The following SNX25 variants were observed in gnomAD, a reference collection of about 807,000 sequenced individuals.
The protein encoded by SNX25 is sorting nexin 25.
Under a neutral mutation model 113.7 loss-of-function variants are expected in SNX25, and 62 were observed. The ratio of observed to expected loss-of-function variants is 0.55; its 90% CI spans 0.44 to 0.67. The LOEUF is 0.67. Ranked by LOEUF, SNX25 falls within the 30% of genes least tolerant of loss-of-function variation. SNX25 has a pLI of 0.00. For synonymous variants in SNX25, 421 were observed against 436.2 expected, an observed-to-expected ratio of 0.97 and a Z score of 0.43; for missense variants, 1,014 against 1,161.0, an observed-to-expected ratio of 0.87 and a Z score of 1.84.
At chr4:185,360,326 A>C (rs1448176050) in intron 16 of SNX25, among the ~76,000 whole-genome samples, 2 of 152,236 alleles carry the variant, frequency 1.3e-5, no homozygotes, top group African/African-American at 4.8e-5. Context: ...GATGGAGATA[A>C]CAGTGTAGTT....
chr4:185,365,003 AGTGTGTGTGTGTGTATGTGTGTGT>A (rs1198307522), downstream of SNX25: 1 of 140,126 alleles, frequency 7.1e-6, no homozygotes, highest in Admixed American at 7.0e-5. Flanking sequence ...TTAGAGAAGG[AGTGTGTGTGTGTGTATGTGTGTGT>A]GTGTGTGTGT....
At chr4:185,220,302 T>G (rs113036025) in intron 1 of SNX25, among the ~76,000 whole-genome samples, 18,813 of 152,054 alleles carry the variant, frequency 0.12, 1,254 homozygotes, top group African/African-American at 0.16. Flanking sequence ...AGTATTATAC[T>G]TTAAGTTTTA....
intron 2 of SNX25, among the ~76,000 whole-genome samples, chr4:185,249,891 T>A (rs1472075146): frequency 2.0e-5 from 3 of 152,234 alleles, no homozygotes; most frequent in Non-Finnish European, 2.9e-5. Flanking sequence ...TTGTAGTAGC[T>A]GCTTTAAAGT....
intron 1 of SNX25, among the ~76,000 whole-genome samples, chr4:185,239,286 A>G (rs1008024303): frequency 1.3e-5 from 2 of 151,828 alleles, no homozygotes; most frequent in Admixed American, 6.6e-5. Context: ...GATCGAGACC[A>G]TCCTGGCCAA....
chr4:185,375,164 A>AGTGCAGTG (rs1184498166), downstream of SNX25, among the ~76,000 whole-genome samples: 1 of 150,704 alleles, frequency 6.6e-6, no homozygotes, highest in African/African-American at 2.4e-5. Context: ...CCCAGGCTGG[A>AGTGCAGTG]GTGCAGTGGC....
intron 5 of SNX25, among the ~76,000 whole-genome samples, chr4:185,276,090 C>T (rs1749633017): frequency 1.3e-5 from 2 of 152,040 alleles, no homozygotes. Context: ...TATGTATTGG[C>T]AGCAATATAA....
At chr4:185,219,803 T>C (rs1362509296) in intron 1 of SNX25, among the ~76,000 whole-genome samples, 1 of 152,110 alleles carries the variant, frequency 6.6e-6, no homozygotes, top group Non-Finnish European at 1.5e-5. Flanking sequence ...CATAAAAATA[T>C]ATACCCGAGG....
intron 1 of SNX25, among the ~76,000 whole-genome samples, chr4:185,223,811 A>C (rs561376920): frequency 1.1e-4 from 17 of 152,124 alleles, no homozygotes; most frequent in African/African-American, 4.1e-4. Flanking sequence ...GTTGACACTC[A>C]ATACCTAGAT....
At chr4:185,302,197 A>G in intron 6 of SNX25, among the ~76,000 whole-genome samples, 1 of 151,824 alleles carries the variant, frequency 6.6e-6, no homozygotes, top group Non-Finnish European at 1.5e-5. Flanking sequence ...TGGCCTCCCA[A>G]AGTGCTGGGA....
intron 6 of SNX25, among the ~76,000 whole-genome samples, chr4:185,290,345 CTT>C (rs1385067064): frequency 1.3e-5 from 2 of 152,200 alleles, no homozygotes; most frequent in Non-Finnish European, 2.9e-5. Flanking sequence ...CCTTGCAACT[CTT>C]TTGGGTATCC....
chr4:185,291,495 GC>G (rs1752164685), intron 6 of SNX25, among the ~76,000 whole-genome samples: 1 of 152,200 alleles, frequency 6.6e-6, no homozygotes, highest in South Asian at 2.1e-4. Context: ...TCCTAGAGCT[GC>G]CATAGCAAAG....
intron 6 of SNX25, among the ~76,000 whole-genome samples, chr4:185,290,396 A>G (rs1751980817): frequency 6.6e-6 from 1 of 152,212 alleles, no homozygotes; most frequent in Non-Finnish European, 1.5e-5. Context: ...GGAAAAGACA[A>G]ACAAACTAAG....
intron 6 of SNX25, among the ~76,000 whole-genome samples, chr4:185,289,024 TG>T (rs1751771723): frequency 6.6e-6 from 1 of 152,182 alleles, no homozygotes; most frequent in African/African-American, 2.4e-5. Flanking sequence ...AAGCTTGGGC[TG>T]GGGACTTGGA....
At chr4:185,348,269 A>G (rs1331714616) in intron 13 of SNX25, among the ~76,000 whole-genome samples, 1 of 152,236 alleles carries the variant, frequency 6.6e-6, no homozygotes, top group East Asian at 1.9e-4. Context: ...AGTAGAAGCT[A>G]GACATTCTGA....
intron 5 of SNX25, among the ~76,000 whole-genome samples, chr4:185,278,968 G>T (rs193189026): frequency 6.6e-6 from 1 of 152,162 alleles, no homozygotes; most frequent in East Asian, 1.9e-4. Flanking sequence ...ACATAGATTT[G>T]ATTGTTTCTG....
chr4:185,249,976 G>A (rs891413193), intron 2 of SNX25, among the ~76,000 whole-genome samples: 10 of 152,132 alleles, frequency 6.6e-5, no homozygotes, highest in African/African-American at 2.2e-4. Flanking sequence ...TTGACTAGAT[G>A]TCACTTTTTG....
chr4:185,250,193 C>T (rs1217666525), intron 2 of SNX25, among the ~76,000 whole-genome samples: 1 of 152,204 alleles, frequency 6.6e-6, no homozygotes, highest in Non-Finnish European at 1.5e-5. Flanking sequence ...TAAAGTGAGT[C>T]CCTCAGTCCG....
chr4:185,267,203 C>A (rs1016741424), intron 5 of SNX25, 48 bp downstream of exon 5: 2 of 1,547,026 alleles, frequency 1.3e-6, no homozygotes, highest in African/African-American at 1.4e-5. Context: ...GATTATCATC[C>A]CCTGCCTAGT....
At chr4:185,206,660 C>CAAAAA (rs375061067), upstream of SNX25, among the ~76,000 whole-genome samples, 1,919 of 77,126 alleles carry the variant, frequency 0.025, 100 homozygotes, top group African/African-American at 0.065. Flanking sequence ...ACTCTTGTCT[C>CAAAAA]AAAAAAAAAA....
Sources: allele counts gnomAD v4.1 joint callset (sites outside exome capture counted in the v4.1 genomes callset), GRCh38; gene constraint gnomAD v4.1.1; transcripts MANE v1.5; gene names NCBI Gene and HGNC (gene_info 2026-07-23, HGNC 2026-07-21).